The following NARF variants were observed in gnomAD, a reference collection of about 807,000 sequenced individuals.
NARF encodes the protein nuclear prelamin A recognition factor, also known as iron-only hydrogenase-like protein 2.
NARF carries 41 observed loss-of-function variants against 48.0 expected under a neutral mutation model. The observed-to-expected ratio is 0.85, with a 90% CI of 0.66 to 1.11. NARF has a LOEUF of 1.11. Among genes scored for constraint, NARF ranks in the 50% least tolerant of loss-of-function variants. The pLI is 0.00. For synonymous variants in NARF, 215 were observed against 225.5 expected (o/e 0.95, Z 0.42); for missense variants, 613 against 590.2 (o/e 1.04, Z -0.40).
Position 82,489,525 on chromosome 17 carries a change from G to T in NARF, c.*1368G>T, listed in dbSNP as rs1404479562. ...GGAGTCGGGGGTAAAGGTTCCGTCT[G>T]ACCCTGAGGGGTTGAGGATATTCAG... On this transcript the variant is annotated 3_prime_UTR_variant, in exon 11 of 11. Coordinates refer to ENST00000309794, the MANE Select transcript of NARF (RefSeq NM_012336.4). 2 of 152,346 alleles carry T rather than the reference G, an allele frequency of 1.3e-5. No homozygotes were observed. Among genetic ancestry groups the T allele is most frequent in the Non-Finnish European group, 2.9e-5 (2 of 68,154 alleles). 9.4% of individuals were successfully genotyped at this position (152,346 alleles called of 1,614,324 possible). A position where few individuals can be genotyped will look rare whatever the true frequency, so the allele number is the denominator to read the frequency against.
At chr17:82,471,815 C>G (rs180790417) in intron 4 of NARF, among the ~76,000 whole-genome samples, 14 of 145,060 alleles carry the variant, frequency 9.7e-5, no homozygotes, top group African/African-American at 3.7e-4. Flanking sequence ...AAAGTATGCC[C>G]AGCCATTCTA....
chr17:82,487,952 A>G lies in NARF; in HGVS notation c.1166A>G (p.Asp389Gly). Residue 389 changes from aspartate (D) to glycine (G), a missense_variant, in exon 11 of 11, where the codon GAC (aspartate) becomes GGC (glycine). Asp to Gly is a moderately conservative substitution (Grantham distance 94). Coordinates refer to ENST00000309794, the MANE Select transcript of NARF (RefSeq NM_012336.4). ...GGCAGAGGCCAAGCCCAGACTCCAGACGGACATGCGGATAAGGCCCTGCTG... is the reference window on the plus strand; with the variant it reads ...GGCAGAGGCCAAGCCCAGACTCCAGGCGGACATGCGGATAAGGCCCTGCTG... The part of the protein sequence containing the change: ...LNGRGQAQTP[D>G]GHADKALLRQ... 12 of 1,614,204 alleles carry G rather than the reference A, an allele frequency of 7.4e-6. No individual in the cohort carries two copies. Among genetic ancestry groups the G allele is most frequent in the Non-Finnish European group, 9.3e-6 (11 of 1,180,034 alleles).
At chr17:82,469,922 A>G (rs979156121) in intron 4 of NARF, among the ~76,000 whole-genome samples, 3 of 150,370 alleles carry the variant, frequency 2.0e-5, no homozygotes, top group Admixed American at 6.6e-5. Context: ...TTATTATTCT[A>G]CAGCGGCTTT....
chr17:82,475,815 A>G (rs2043820155), intron 5 of NARF, among the ~76,000 whole-genome samples: 2 of 152,172 alleles, frequency 1.3e-5, no homozygotes, highest in Admixed American at 6.6e-5. Flanking sequence ...TCTGCTCAGG[A>G]TTCACATCAG....
chr17:82,483,903 T>A (rs745726409), intron 8 of NARF, 124 bp downstream of exon 8: 29 of 827,318 alleles, frequency 3.5e-5, no homozygotes, highest in Non-Finnish European at 5.0e-5. Flanking sequence ...TGCGATGCAG[T>A]CCCCCAGGCC....
At chr17:82,478,996 C>G in intron 6 of NARF, 78 bp downstream of exon 6, 1 of 1,394,466 alleles carries the variant, frequency 7.2e-7, no homozygotes. Context: ...GGGGAGGTTC[C>G]CCATCTGTCC....
intron 7 of NARF, 42 bp from the exon 8 acceptor site, chr17:82,483,674 G>A (rs1388755592): frequency 1.9e-6 from 3 of 1,599,892 alleles, no homozygotes; most frequent in African/African-American, 1.3e-5. Flanking sequence ...AGTTCCTGTG[G>A]CCACCTGTGT....
At chr17:82,458,451 C>T (rs906743326), upstream of NARF, 1 of 258,578 alleles carries the variant, frequency 3.9e-6, no homozygotes, top group Non-Finnish European at 7.4e-6. Flanking sequence ...GCCGCCGCCG[C>T]CGCCGCAGGA....
chr17:82,478,310 G>A lies in NARF; in HGVS notation c.521-490G>A, dbSNP rs567089686. On this transcript the variant is annotated intron_variant, in intron 5 of 10. Coordinates refer to ENST00000309794, the MANE Select transcript of NARF (RefSeq NM_012336.4). ...ATGTTGCTATTTATTACGACTTGAG[G>A]AGTATAGATTTCTTATATTTTAAAA... is the stretch of plus-strand genomic sequence containing the variant. Among the ~76,000 whole-genome samples the A allele has an allele frequency of 2.0e-5, 3 of 152,344 alleles. No individual in the cohort carries two copies. The East Asian group carries it at 5.8e-4, about 29-fold the overall frequency.
chr17:82,464,709 G>A (rs767701234), intron 3 of NARF, among the ~76,000 whole-genome samples: 5 of 152,218 alleles, frequency 3.3e-5, no homozygotes, highest in Non-Finnish European at 5.9e-5. Context: ...GCCTGGTGAG[G>A]TCAGGTAACA....
intron 9 of NARF, among the ~76,000 whole-genome samples, 193 bp from the exon 10 acceptor site, chr17:82,485,304 C>G (rs1215701910): frequency 1.3e-5 from 2 of 151,950 alleles, no homozygotes; most frequent in African/African-American, 4.8e-5. Flanking sequence ...GCCTATAGTC[C>G]CAGCTACTCG....
chr17:82,472,717 G>T lies in NARF; in HGVS notation c.520+19G>T. ...TGTCCTGGTGAGCCCCTGGACCCCC[G>T]CTCTGTTGGCCTGAGGTGCCAAAAG... On this transcript the variant is annotated intron_variant, in intron 5 of 10. Coordinates refer to ENST00000309794, the MANE Select transcript of NARF (RefSeq NM_012336.4). 1 of 1,603,636 alleles carries T rather than the reference G, an allele frequency of 6.2e-7. No homozygotes were observed. Among genetic ancestry groups the T allele is most frequent in the Non-Finnish European group, 8.5e-7 (1 of 1,176,430 alleles).
chr17:82,472,140 A>G (rs1289790952), intron 4 of NARF, among the ~76,000 whole-genome samples: 2 of 152,202 alleles, frequency 1.3e-5, no homozygotes, highest in Non-Finnish European at 2.9e-5. Context: ...TGTAGAATCT[A>G]TGCTTTAAGT....
intron 6 of NARF, 130 bp from the exon 7 acceptor site, chr17:82,480,949 AGAG>A (rs2043949617): frequency 3.2e-6 from 3 of 928,938 alleles, no homozygotes; most frequent in African/African-American, 1.8e-5. Flanking sequence ...AAAAAAAAAA[AGAG>A]TGCAGCATGC....
rs2044152563 is a variant in NARF at position 82,488,859 on chromosome 17, T to C, written c.*702T>C. 1 of 152,284 alleles carries C rather than the reference T, an allele frequency of 6.6e-6. No individual in the cohort carries two copies. Among genetic ancestry groups the C allele is most frequent in the Admixed American group, 6.5e-5 (1 of 15,282 alleles). 9.4% of individuals were successfully genotyped at this position (152,284 alleles called of 1,614,324 possible). A position where few individuals can be genotyped will look rare whatever the true frequency, so the allele number is the denominator to read the frequency against. On this transcript the variant is annotated 3_prime_UTR_variant, in exon 11 of 11. Coordinates refer to ENST00000309794, the MANE Select transcript of NARF (RefSeq NM_012336.4). ...GGTTCTAATGCACATGACTTGAAGG[T>C]GATTTGATGTGGGAGTGAGGGCAGA...
chr17:82,458,491 C>T (rs987338891), upstream of NARF: 21 of 346,992 alleles, frequency 6.1e-5, no homozygotes, highest in Non-Finnish European at 1.1e-4. Flanking sequence ...GGCGCAAGGA[C>T]CCGGTCCCCC....
rs2044175634 is a variant in NARF at position 82,490,446 on chromosome 17, T to C, written c.*2289T>C. On this transcript the variant is annotated 3_prime_UTR_variant, in exon 11 of 11. Transcript: ENST00000309794. ...TTGCCTGTCTTGCTGGATAACTGCA[T>C]ATATTGTGTTCAGTTGTGTATTTGT... The C allele has an allele frequency of 1.3e-5, 2 of 152,418 alleles. No homozygotes were observed. Among genetic ancestry groups the C allele is most frequent in the Admixed American group, 1.3e-4 (2 of 15,312 alleles). 9.4% of individuals were successfully genotyped at this position (152,418 alleles called of 1,614,324 possible). A position where few individuals can be genotyped will look rare whatever the true frequency, so the allele number is the denominator to read the frequency against.
Position 82,485,478 on chromosome 17 carries a change from C to A in NARF, c.972-19C>A. ...ATAAAGGACTTGATGGATCAAAATT[C>A]TCTGTGTTCATTTTGTAGAAACAAA... On this transcript the variant is annotated intron_variant, in intron 9 of 10. Coordinates refer to ENST00000309794, the MANE Select transcript of NARF (RefSeq NM_012336.4). 1 of 1,611,948 alleles carries A rather than the reference C, an allele frequency of 6.2e-7. No individual in the cohort carries two copies. Among genetic ancestry groups the A allele is most frequent in the South Asian group, 1.1e-5 (1 of 90,896 alleles).
intron 9 of NARF, 117 bp downstream of exon 9, chr17:82,485,067 A>G (rs1044131065): frequency 3.1e-6 from 4 of 1,302,890 alleles, no homozygotes; most frequent in Admixed American, 5.8e-5. Context: ...AGTCAAAATC[A>G]AAAGGACTTT....
Sources: allele counts gnomAD v4.1 joint callset (sites outside exome capture counted in the v4.1 genomes callset), GRCh38; gene constraint gnomAD v4.1.1; transcripts MANE v1.5; gene names NCBI Gene and HGNC (gene_info 2026-07-23, HGNC 2026-07-21).